The following TENM4 variants were observed in gnomAD, a reference collection of about 807,000 sequenced individuals.
TENM4 encodes teneurin-4.
In TENM4, 82 loss-of-function variants were observed where a neutral mutation model predicts 243.3. That is an observed-to-expected ratio of 0.34 (90% CI 0.28 to 0.40). The LOEUF (loss-of-function observed/expected upper bound fraction) is 0.40. Ranked by LOEUF, TENM4 falls within the 10% of genes least tolerant of loss-of-function variation. The pLI is 1.00. For synonymous variants in TENM4, 1,412 were observed against 1,456.3 expected (o/e 0.97, Z 0.69); for missense variants, 3,138 against 3,673.3 (o/e 0.85, Z 3.77).
chr11:79,015,642 C>A (rs11237685), intron 6 of TENM4, among the ~76,000 whole-genome samples: 1 of 152,040 alleles, frequency 6.6e-6, no homozygotes, highest in African/African-American at 2.4e-5. Context: ...CAGAGAAAGG[C>A]GAAAAACTAA....
intron 3 of TENM4, among the ~76,000 whole-genome samples, chr11:79,164,740 A>T (rs753963311): frequency 2.0e-5 from 3 of 151,502 alleles, no homozygotes; most frequent in Admixed American, 6.6e-5. Context: ...ATGATAGTCA[A>T]AAAGTCTCAC....
At chr11:79,394,447 A>C (rs574692888) in intron 1 of TENM4, among the ~76,000 whole-genome samples, 1 of 152,254 alleles carries the variant, frequency 6.6e-6, no homozygotes, top group East Asian at 1.9e-4. Flanking sequence ...CACTTTTTGA[A>C]CCTCAGTTTC....
intron 4 of TENM4, chr11:79,093,427 G>A (rs528512378): frequency 6.6e-6 from 1 of 152,362 alleles, no homozygotes; most frequent in South Asian, 2.1e-4. Context: ...GGACGGTGGA[G>A]TAGAGCAACT....
At chr11:79,391,234 T>C (rs1858226393) in intron 1 of TENM4, among the ~76,000 whole-genome samples, 1 of 152,206 alleles carries the variant, frequency 6.6e-6, no homozygotes, top group Non-Finnish European at 1.5e-5. Flanking sequence ...GAGCTATTGC[T>C]ATTGTTTTAT....
chr11:78,904,377 T>TAAAAAAAAAAAAAAAAAAA (rs1333665292), intron 6 of TENM4, among the ~76,000 whole-genome samples: 19 of 100,158 alleles, frequency 1.9e-4, no homozygotes, highest in African/African-American at 8.6e-4. Context: ...AAAAAAAAAG[T>TAAAAAAAAAAAAAAAAAAA]AAAACATAGA....
chr11:78,816,249 G>A (rs192333042), intron 12 of TENM4, among the ~76,000 whole-genome samples: 1 of 152,362 alleles, frequency 6.6e-6, no homozygotes, highest in East Asian at 1.9e-4. Flanking sequence ...CCTTGCTATG[G>A]AGATACCTAG....
At chr11:79,284,267 G>T (rs1856210080) in intron 2 of TENM4, among the ~76,000 whole-genome samples, 1 of 152,246 alleles carries the variant, frequency 6.6e-6, no homozygotes, top group Non-Finnish European at 1.5e-5. Context: ...TTAAAAAGAA[G>T]AACAACGTTG....
chr11:79,209,405 C>G (rs1206582798), intron 3 of TENM4, among the ~76,000 whole-genome samples: 1 of 152,176 alleles, frequency 6.6e-6, no homozygotes, highest in East Asian at 1.9e-4. Context: ...TCACAGTATT[C>G]CTTTTTTAAG....
At chr11:78,756,547 T>C in intron 19 of TENM4, 1 of 463,416 alleles carries the variant, frequency 2.2e-6, no homozygotes, top group Non-Finnish European at 4.0e-6. Context: ...CTTGGACCTT[T>C]GGTTTCTCAC....
intron 6 of TENM4, among the ~76,000 whole-genome samples, chr11:78,986,554 A>C (rs1345826459): frequency 2.0e-5 from 3 of 152,040 alleles, no homozygotes; most frequent in Non-Finnish European, 4.4e-5. Flanking sequence ...GGTGACTGCC[A>C]GTTTGGTTTT....
chr11:78,766,514 C>T (rs1856541672), intron 18 of TENM4, among the ~76,000 whole-genome samples: 1 of 152,118 alleles, frequency 6.6e-6, no homozygotes. Flanking sequence ...GAGTTAGGGC[C>T]CCTCTGCTTG....
At chr11:79,146,255 A>C (rs544179439) in intron 4 of TENM4, among the ~76,000 whole-genome samples, 1 of 152,236 alleles carries the variant, frequency 6.6e-6, no homozygotes, top group East Asian at 1.9e-4. Context: ...AGCCTGTGGC[A>C]TCCACACCAA....
chr11:78,862,902 G>A (rs1858858949), intron 10 of TENM4, 60 bp downstream of exon 10: 1 of 1,323,872 alleles, frequency 7.6e-7, no homozygotes. Context: ...GTTATGGAGG[G>A]CTCTTCAGCT....
intron 12 of TENM4, among the ~76,000 whole-genome samples, chr11:78,851,980 AG>A (rs1001457606): frequency 2.6e-5 from 4 of 152,230 alleles, no homozygotes; most frequent in African/African-American, 9.6e-5. Context: ...GAAGGTATCC[AG>A]GGAGGAAACC....
At chr11:78,966,580 G>A (rs542355768) in intron 6 of TENM4, among the ~76,000 whole-genome samples, 1 of 152,270 alleles carries the variant, frequency 6.6e-6, no homozygotes, top group Non-Finnish European at 1.5e-5. Flanking sequence ...GGTAGGACCT[G>A]TCAGAACAGA....
chr11:79,111,205 C>A (rs1363862025), intron 4 of TENM4, among the ~76,000 whole-genome samples: 1 of 152,130 alleles, frequency 6.6e-6, no homozygotes, highest in Non-Finnish European at 1.5e-5. Flanking sequence ...CGCCTTCCAC[C>A]ATAATTGTGA....
At chr11:78,764,526 A>G (rs1001420288) in intron 18 of TENM4, among the ~76,000 whole-genome samples, 9 of 152,236 alleles carry the variant, frequency 5.9e-5, no homozygotes, top group African/African-American at 2.2e-4. Flanking sequence ...GAATAAATGC[A>G]TGCATTTTTT....
intron 1 of TENM4, among the ~76,000 whole-genome samples, chr11:79,336,035 T>C (rs1857141842): frequency 7.4e-6 from 1 of 135,822 alleles, no homozygotes; most frequent in Admixed American, 6.9e-5. Context: ...AGGTTATCAC[T>C]GTTTATAGAT....
chr11:78,977,344 T>A (rs1423991490), intron 6 of TENM4, among the ~76,000 whole-genome samples: 2 of 152,238 alleles, frequency 1.3e-5, no homozygotes, highest in Non-Finnish European at 2.9e-5. Context: ...AGGACTTCAA[T>A]ATACCTTTCT....
Sources: gnomAD v4.1 joint callset for allele counts (sites outside exome capture counted in the v4.1 genomes callset) on GRCh38, gnomAD v4.1.1 for gene constraint, MANE v1.5 for transcripts, NCBI Gene and HGNC (gene_info 2026-07-23, HGNC 2026-07-21) for gene names.